Variants in RASSF2 observed in about 807,000 individuals in gnomAD.
RASSF2 encodes the protein ras association domain-containing protein 2.
A neutral mutation model predicts 46.3 loss-of-function variants in RASSF2; 34 were observed. That is an observed-to-expected ratio of 0.73 (90% CI 0.56 to 0.98). RASSF2 has a LOEUF of 0.98. RASSF2 is among the 50% of genes least tolerant of loss of function. The pLI, the probability that RASSF2 is intolerant of heterozygous loss-of-function variation, is 0.00. For missense variants in RASSF2, 364 were observed against 431.2 expected, an observed-to-expected ratio of 0.84 and a Z score of 1.38; for synonymous variants, 158 against 162.5, an observed-to-expected ratio of 0.97 and a Z score of 0.21.
intron 1 of RASSF2, among the ~76,000 whole-genome samples, chr20:4,823,219 G>T (rs1928839397): frequency 6.6e-6 from 1 of 152,078 alleles, no homozygotes; most frequent in South Asian, 2.1e-4. Context: ...GTGGGGGGAC[G>T]CGGAAAGAGA....
intron 2 of RASSF2, among the ~76,000 whole-genome samples, chr20:4,817,655 T>G (rs532932692): frequency 9.7e-4 from 148 of 152,238 alleles, no homozygotes; most frequent in Non-Finnish European, 1.8e-3. Flanking sequence ...AGGCCTCCTC[T>G]GGAGACACAC....
chr20:4,814,418 CAA>C (rs1420931781), intron 2 of RASSF2, among the ~76,000 whole-genome samples: 1 of 152,198 alleles, frequency 6.6e-6, no homozygotes, highest in East Asian at 1.9e-4. Flanking sequence ...TCCCCTTCCT[CAA>C]GGGAACCCCA....
Position 4,818,705 on chromosome 20 carries a change from C to A in RASSF2, c.-33+3624G>T, listed in dbSNP as rs1035843181. ...GCTGGTCACAACCTAGGAATACAAA[C>A]CATGTGCAGGTGACCTCAGTTTCCT... On this transcript the variant is annotated intron_variant, in intron 2 of 11. Coordinates refer to ENST00000379400, the MANE Select transcript of RASSF2 (RefSeq NM_014737.3). 2.0e-5 allele frequency among the ~76,000 whole-genome samples: 3 copies of A among 152,212 alleles called. 1 individual carries two copies. The South Asian group carries it at 6.2e-4, about 32-fold the overall frequency.
chr20:4,786,751 G>T (rs528850234), intron 10 of RASSF2, among the ~76,000 whole-genome samples: 1 of 152,116 alleles, frequency 6.6e-6, no homozygotes, highest in East Asian at 1.9e-4. Flanking sequence ...ATATGAACTC[G>T]CTTTGGAGAG....
intron 10 of RASSF2, among the ~76,000 whole-genome samples, chr20:4,787,328 C>T (rs558257884): frequency 6.6e-6 from 1 of 152,276 alleles, no homozygotes; most frequent in African/African-American, 2.4e-5. Flanking sequence ...ACTACTGCCC[C>T]AAAAGCCTGG....
At chr20:4,813,442 C>T (rs1270182588) in intron 2 of RASSF2, among the ~76,000 whole-genome samples, 1 of 152,238 alleles carries the variant, frequency 6.6e-6, no homozygotes, top group Non-Finnish European at 1.5e-5. Context: ...TCCTGGGACT[C>T]CTGCCGGAAA....
rs1217473864 is a variant in RASSF2 at position 4,812,884 on chromosome 20, TGCAGGCTGGCTCCAGCTACCAGCCCACA to T, written c.-33+9417_-33+9444del. ...AGAGGGCCACTATGCGAGTAGCAGG[TGCAGGCTGGCTCCAGCTACCAGCCCACA>T]GCAGGCTGGGAGGTCTGGGGGATGG... On this transcript the variant is annotated intron_variant, in intron 2 of 11. Coordinates refer to ENST00000379400, the MANE Select transcript of RASSF2 (RefSeq NM_014737.3). The surrounding 1 kb of genome is among the most constrained non-coding windows in gnomAD (Gnocchi z 4.0). Among the ~76,000 whole-genome samples, 2 of 152,110 alleles carry T rather than the reference TGCAGGCTGGCTCCAGCTACCAGCCCACA, an allele frequency of 1.3e-5. No individual in the cohort carries two copies. The highest frequency in any genetic ancestry group is 4.8e-5 in the African/African-American group (2 of 41,416).
At chr20:4,804,615 G>A (rs1340513341) in intron 2 of RASSF2, among the ~76,000 whole-genome samples, 1 of 152,088 alleles carries the variant, frequency 6.6e-6, no homozygotes, top group African/African-American at 2.4e-5. Context: ...CTGCGTTTAT[G>A]GCCTGAGCCA....
In RASSF2 at chr20:4,795,930, T is replaced by C. The variant is rs1926313444; in HGVS notation, c.172A>G (p.Ile58Val). The C allele has an allele frequency of 4.5e-6, 7 of 1,568,488 alleles. No homozygotes were observed. Among genetic ancestry groups the C allele is most frequent in the Non-Finnish European group, 6.1e-6 (7 of 1,152,898 alleles). ...ATGGGCCGGCGCAGGCCCCAGGAGA[T>C]GTTCAGGAGCCCCTCCACAATGAAC... is the stretch of plus-strand genomic sequence containing the variant. ...DEFIVEGLLN[I>V]SWGLRRPIRL... Residue 58 changes from isoleucine (I) to valine (V), a missense_variant, in exon 5 of 12, where the codon ATC becomes GTC. By Grantham distance (29) the Ile-to-Val change is conservative. Coordinates refer to ENST00000379400, the MANE Select transcript of RASSF2 (RefSeq NM_014737.3). The surrounding 1 kb of genome is among the most constrained non-coding windows in gnomAD (Gnocchi z 4.0).
chr20:4,788,504 C>T (rs1259340231), intron 8 of RASSF2, among the ~76,000 whole-genome samples: 1 of 152,172 alleles, frequency 6.6e-6, no homozygotes, highest in Non-Finnish European at 1.5e-5. Flanking sequence ...TGTCACTAGG[C>T]AATTTCATTG....
rs1019534718 is a variant in RASSF2 at position 4,790,297 on chromosome 20, C to A, written c.537+154G>T. ...GGTCCCTCAGCCCTCAGGAAGCCAG[C>A]AGGGCTTGCAGCCCACCCACAACCC... On this transcript the variant is annotated intron_variant, in intron 7 of 11. Transcript: ENST00000379400. The surrounding 1 kb of genome is among the most constrained non-coding windows in gnomAD (Gnocchi z 4.3). Among the ~76,000 whole-genome samples the A allele has an allele frequency of 6.6e-6, 1 of 152,206 alleles. No individual in the cohort carries two copies. The highest frequency in any genetic ancestry group is 1.5e-5 in the Non-Finnish European group (1 of 68,038).
intron 2 of RASSF2, among the ~76,000 whole-genome samples, chr20:4,804,641 A>G (rs1031022919): frequency 5.9e-5 from 9 of 152,072 alleles, no homozygotes; most frequent in African/African-American, 2.2e-4. Context: ...CCTGGCCAAA[A>G]CTTTTCTTTC....
In RASSF2 at chr20:4,819,735, C is replaced by T. The variant is rs958639565; in HGVS notation, c.-33+2594G>A. Among the ~76,000 whole-genome samples, 12 of 152,298 alleles carry T rather than the reference C, an allele frequency of 7.9e-5. No homozygotes were observed. The East Asian group carries it at 1.3e-3, about 17-fold the overall frequency. Reference sequence around the variant, plus strand: ...ATCACACTTCACTGAATGCCAACTACGGTTAAAGCACCGTGCTGATGAAGG... The same window carrying T: ...ATCACACTTCACTGAATGCCAACTATGGTTAAAGCACCGTGCTGATGAAGG... On this transcript the variant is annotated intron_variant, in intron 2 of 11. Coordinates refer to ENST00000379400, the MANE Select transcript of RASSF2 (RefSeq NM_014737.3).
At chr20:4,805,335 G>T (rs1023974111) in intron 2 of RASSF2, among the ~76,000 whole-genome samples, 3 of 152,054 alleles carry the variant, frequency 2.0e-5, no homozygotes, top group African/African-American at 7.3e-5. Context: ...AGCAGAGGGA[G>T]AAATCTGAAA....
rs1003164954 is a variant in RASSF2, at chr20:4,812,659, C to T, written c.-33+9670G>A. The stretch of plus-strand genomic sequence containing the variant: ...TCTGAGAAGGTGCAGTTCTAATAAG[C>T]GCCCAGGGCTGCTGCTGATGCTGCT... On this transcript the variant is annotated intron_variant, in intron 2 of 11. Transcript: ENST00000379400. The surrounding 1 kb of genome is among the most constrained non-coding windows in gnomAD (Gnocchi z 4.0). Among the ~76,000 whole-genome samples the T allele has an allele frequency of 6.6e-5, 10 of 152,194 alleles. 1 individual carries two copies. The highest frequency in any genetic ancestry group is 6.5e-4 in the Admixed American group (10 of 15,292).
chr20:4,791,130 G>A (rs531135202), intron 6 of RASSF2, among the ~76,000 whole-genome samples: 1 of 152,184 alleles, frequency 6.6e-6, no homozygotes, highest in Non-Finnish European at 1.5e-5. Flanking sequence ...ACTTATATGA[G>A]ATACTTAGAG....
At chr20:4,787,847 C>T in intron 9 of RASSF2, 93 bp from the exon 10 acceptor site, 3 of 1,340,276 alleles carry the variant, frequency 2.2e-6, no homozygotes, top group Non-Finnish European at 3.2e-6. Flanking sequence ...TTAGGAGATG[C>T]CGCCATATAC....
chr20:4,791,301 G>A (rs958702891), intron 6 of RASSF2, among the ~76,000 whole-genome samples: 3 of 152,122 alleles, frequency 2.0e-5, no homozygotes, highest in African/African-American at 7.2e-5. Context: ...CAGAGTTTCA[G>A]TTTCACAAGA....
intron 5 of RASSF2, chr20:4,793,004 C>G (rs1601094639): frequency 4.9e-6 from 1 of 202,966 alleles, no homozygotes; most frequent in East Asian, 1.3e-4. Context: ...TTGGAAAACT[C>G]TAATAGTGGC....
Sources: allele counts gnomAD v4.1 joint callset (sites outside exome capture counted in the v4.1 genomes callset), GRCh38; gene constraint gnomAD v4.1.1; non-coding constraint Gnocchi (gnomAD v3.1); transcripts MANE v1.5; gene names NCBI Gene and HGNC (gene_info 2026-07-23, HGNC 2026-07-21).